VPS26C: variants seen among roughly 807,000 people sequenced by gnomAD.
The protein encoded by VPS26C is vacuolar protein sorting-associated protein 26C.
Under a neutral mutation model 30.6 loss-of-function variants are expected in VPS26C, and 19 were observed. That is an observed-to-expected ratio of 0.62 (90% confidence interval 0.43 to 0.91). The LOEUF is 0.91. Among genes scored for constraint, VPS26C ranks in the 40% least tolerant of loss-of-function variants. The probability of loss-of-function intolerance (pLI) is 0.00; values close to 1 mark genes in which losing one functional copy is unlikely to be tolerated. For synonymous variants in VPS26C, 132 were observed against 151.5 expected (o/e 0.87, Z 0.95); for missense variants, 318 against 385.1 (o/e 0.83, Z 1.46).
chr21:37,232,536 C>T (rs112825724), intron 4 of VPS26C, 85 bp from the exon 5 acceptor site: 41 of 1,170,834 alleles, frequency 3.5e-5, no homozygotes, highest in African/African-American at 2.5e-4. Context: ...AAAAATAAAC[C>T]AACGGCAGCC....
At chr21:37,259,067 C>G (rs1408053642) in intron 1 of VPS26C, among the ~76,000 whole-genome samples, 2 of 152,078 alleles carry the variant, frequency 1.3e-5, no homozygotes, top group Admixed American at 6.6e-5. Context: ...AAGGTTCATA[C>G]CTCTCAAAAT....
intron 5 of VPS26C, 75 bp from the exon 6 acceptor site, chr21:37,228,448 A>G: frequency 6.5e-7 from 1 of 1,541,368 alleles, no homozygotes; most frequent in Non-Finnish European, 8.8e-7. Context: ...GTGCAAATAA[A>G]ACCTGGAAGC....
Position 37,228,494 on chromosome 21 carries a change from G to A in VPS26C, c.508-121C>T, listed in dbSNP as rs563920566. On this transcript the variant is annotated intron_variant, in intron 5 of 7. Transcript: ENST00000309117. ...AGTGGTTACACAGTCCACCGGGACC[G>A]TCTCACAAAACGGGAAGAAAGGAGC... 1.1e-4 allele frequency: 121 copies of A among 1,093,496 alleles called. No individual in the cohort carries two copies. In the African/African-American group the frequency reaches 1.6e-3, roughly 14 times the overall value. 67.7% of individuals were successfully genotyped at this position (1,093,496 alleles called of 1,614,324 possible).
chr21:37,253,954 A>C (rs1021244625), intron 1 of VPS26C, among the ~76,000 whole-genome samples: 1 of 152,258 alleles, frequency 6.6e-6, no homozygotes, highest in Non-Finnish European at 1.5e-5. Context: ...CTATTCAAGA[A>C]ATAACATTCC....
At position 37,267,279 on chromosome 21, in the gene VPS26C, C is replaced by G. The variant is rs1479227028; in HGVS notation, c.16G>C (p.Asp6His). The G allele has an allele frequency of 1.4e-6, 2 of 1,380,332 alleles. No individual in the cohort carries two copies. Among genetic ancestry groups the G allele is most frequent in the Non-Finnish European group, 9.6e-7 (1 of 1,037,534 alleles). The allele number at this position is 1,380,332 out of a possible 1,614,324, so 85.5% of individuals were successfully genotyped here. ...TTATTCGCTCTTTTAATCTTGATGT[C>G]CAGGGCGGTCCCCATCTCCAATTCT... MGTAL[D>H]IKIKRANKVY... The change falls in exon 1 of 8, where the codon GAC (aspartate) becomes CAC (histidine). Residue 6 changes from aspartate (D) to histidine (H), a missense_variant. Coordinates refer to ENST00000309117, the MANE Select transcript of VPS26C (RefSeq NM_006052.2).
intron 1 of VPS26C, among the ~76,000 whole-genome samples, chr21:37,256,672 G>C (rs1033357270): frequency 6.6e-6 from 1 of 152,198 alleles, no homozygotes; most frequent in Non-Finnish European, 1.5e-5. Flanking sequence ...CTATTACAGA[G>C]AGTAAAAAGC....
At chr21:37,255,850 C>CCTTTTTT (rs2086236577) in intron 1 of VPS26C, among the ~76,000 whole-genome samples, 1 of 63,490 alleles carries the variant, frequency 1.6e-5, no homozygotes, top group Admixed American at 2.0e-4. Flanking sequence ...CTATGCACTG[C>CCTTTTTT]ATTTTTTTTT....
At chr21:37,238,748 T>C (rs976609202) in intron 2 of VPS26C, 139 bp from the exon 3 acceptor site, 6 of 915,562 alleles carry the variant, frequency 6.6e-6, no homozygotes, top group Non-Finnish European at 8.2e-6. Context: ...CTGCGCTGGG[T>C]CTGGAGATGA....
intron 1 of VPS26C, among the ~76,000 whole-genome samples, chr21:37,263,702 T>G (rs1379088878): frequency 6.6e-6 from 1 of 152,172 alleles, no homozygotes; most frequent in South Asian, 2.1e-4. Flanking sequence ...CCTGGGATAG[T>G]ACTGCTTAGG....
rs774168614 is a variant in VPS26C, at chr21:37,225,541, G to A, written c.*3C>T. On this transcript the variant is annotated 3_prime_UTR_variant, in exon 8 of 8. Transcript: ENST00000309117. ...CCCGTTCTCTATGCTTCCCTCCTCC[G>A]GGCTATATCCTGCAGAGCTTCAGCG... 5.6e-6 allele frequency: 9 copies of A among 1,613,478 alleles called. No individual in the cohort carries two copies. The highest frequency in any genetic ancestry group is 1.7e-5 in the Admixed American group (1 of 59,996).
At chr21:37,256,015 T>C (rs1478722989) in intron 1 of VPS26C, among the ~76,000 whole-genome samples, 1 of 152,108 alleles carries the variant, frequency 6.6e-6, no homozygotes, top group East Asian at 1.9e-4. Flanking sequence ...TTTGTATTTT[T>C]AGTAGAGACA....
intron 5 of VPS26C, chr21:37,229,512 G>A (rs1953603294): frequency 1.3e-5 from 2 of 152,140 alleles, no homozygotes; most frequent in Non-Finnish European, 2.9e-5. Flanking sequence ...CATAATGCAA[G>A]CTGCGAGTGG....
chr21:37,244,203 C>A (rs2086115197), intron 1 of VPS26C, among the ~76,000 whole-genome samples: 1 of 152,256 alleles, frequency 6.6e-6, no homozygotes. Flanking sequence ...ACAGCGGAAA[C>A]CACTGGCAAG....
At chr21:37,243,785 T>C (rs1004622252) in intron 1 of VPS26C, among the ~76,000 whole-genome samples, 1 of 152,128 alleles carries the variant, frequency 6.6e-6, no homozygotes, top group Non-Finnish European at 1.5e-5. Context: ...ATCAATGCCA[T>C]TTCTGTAAGC....
intron 1 of VPS26C, among the ~76,000 whole-genome samples, chr21:37,247,447 G>C (rs1205048995): frequency 6.6e-6 from 1 of 152,062 alleles, no homozygotes; most frequent in African/African-American, 2.4e-5. Context: ...ATAAAAAGTT[G>C]CAAGGGTAAC....
chr21:37,235,905 T>C (rs1288452329), intron 3 of VPS26C, among the ~76,000 whole-genome samples: 2 of 149,224 alleles, frequency 1.3e-5, no homozygotes, highest in African/African-American at 4.9e-5. Context: ...AAAAAATTTT[T>C]TTCTTAAGAG....
intron 3 of VPS26C, among the ~76,000 whole-genome samples, chr21:37,236,916 C>T (rs967691503): frequency 2.0e-5 from 3 of 152,204 alleles, no homozygotes; most frequent in Non-Finnish European, 2.9e-5. Flanking sequence ...GTACACACAG[C>T]TCTGCAGCAA....
chr21:37,227,866 C>T (rs567638744), intron 6 of VPS26C, 60 bp from the exon 7 acceptor site: 14 of 1,593,318 alleles, frequency 8.8e-6, no homozygotes, highest in South Asian at 5.6e-5. Flanking sequence ...GGTCCACATC[C>T]GCACCGGCAC....
intron 1 of VPS26C, among the ~76,000 whole-genome samples, chr21:37,263,738 C>A (rs79014975): frequency 0.011 from 1,739 of 152,312 alleles, 33 homozygotes; most frequent in African/African-American, 0.039. Context: ...GTGGCAGTCA[C>A]CTCAAGCAAC....
Sources: allele counts gnomAD v4.1 joint callset (sites outside exome capture counted in the v4.1 genomes callset), GRCh38; gene constraint gnomAD v4.1.1; transcripts MANE v1.5; gene names NCBI Gene and HGNC (gene_info 2026-07-23, HGNC 2026-07-21).